WNT3A: variants seen among roughly 807,000 people sequenced by gnomAD.
WNT3A encodes the protein protein Wnt-3a.
In WNT3A, 17 loss-of-function variants were observed where a neutral mutation model predicts 37.0. The observed-to-expected ratio is 0.46, with a 90% CI of 0.31 to 0.69. The LOEUF is 0.69. Ranked by LOEUF, WNT3A falls within the 30% of genes least tolerant of loss-of-function variation. The pLI is 0.05. For missense variants in WNT3A, 411 were observed against 510.2 expected (o/e 0.81, Z 1.87); for synonymous variants, 187 against 211.0 (o/e 0.89, Z 0.99).
intron 1 of WNT3A, among the ~76,000 whole-genome samples, chr1:228,020,490 C>T (rs1427825042): frequency 6.6e-6 from 1 of 152,228 alleles, no homozygotes; most frequent in African/African-American, 2.4e-5. Flanking sequence ...AGTGGCAGTG[C>T]AGACCATACC....
chr1:228,050,659 C>T lies in WNT3A; in HGVS notation c.317C>T (p.Thr106Ile). The T allele has an allele frequency of 6.3e-7, 1 of 1,599,400 alleles. No individual in the cohort carries two copies. ...AIFGPVLDKATRESAFVHAIA... is the reference protein window; with the variant it reads ...AIFGPVLDKAIRESAFVHAIA... Reference sequence around the variant, plus strand: ...TGCATCTCTCCTCTCTCTACAGCTACCAGGGAGTCGGCCTTTGTCCACGCC... The same window carrying T: ...TGCATCTCTCCTCTCTCTACAGCTATCAGGGAGTCGGCCTTTGTCCACGCC... Residue 106 changes from threonine to isoleucine, a missense_variant, in exon 3 of 4, where the codon ACC becomes ATC. By Grantham distance (89) the Thr-to-Ile change is moderately conservative. Coordinates refer to ENST00000284523, the MANE Select transcript of WNT3A (RefSeq NM_033131.4). This position sits in a 1 kb window ranked among gnomAD's most constrained non-coding sequence, Gnocchi z 5.0.
chr1:228,045,304 G>A (rs2031375749), intron 2 of WNT3A, among the ~76,000 whole-genome samples: 10 of 152,194 alleles, frequency 6.6e-5, no homozygotes, highest in Admixed American at 6.5e-4. Context: ...GCCGTGAGGT[G>A]GGAAGGCAGA....
chr1:228,055,153 C>T (rs1296113926), intron 3 of WNT3A, among the ~76,000 whole-genome samples: 3 of 74,132 alleles, frequency 4.0e-5, no homozygotes, highest in Non-Finnish European at 7.0e-5. Context: ...TTGGAAACTC[C>T]GTCCCAAAAA....
chr1:228,059,510 G>T lies in WNT3A; in HGVS notation c.*45G>T. 2.7e-6 allele frequency: 4 copies of T among 1,465,602 alleles called. No individual in the cohort carries two copies. The highest frequency in any genetic ancestry group is 2.7e-6 in the Non-Finnish European group (3 of 1,116,328). 90.8% of individuals were successfully genotyped at this position (1,465,602 alleles called of 1,614,324 possible). A position where few individuals can be genotyped will look rare whatever the true frequency, so the allele number is the denominator to read the frequency against. On this transcript the variant is annotated 3_prime_UTR_variant, in exon 4 of 4. Transcript: ENST00000284523. ...CTGGACGGGGCGGGCCCTGCCTGAG[G>T]GTGGGCTTTTCCCTGGGTGGAGCAG...
Position 228,059,618 on chromosome 1 carries a change from T to C in WNT3A, c.*153T>C. On this transcript the variant is annotated 3_prime_UTR_variant, in exon 4 of 4. Coordinates refer to ENST00000284523, the MANE Select transcript of WNT3A (RefSeq NM_033131.4). ...TGGGGCTCCTACCTGGGGGCAGAACTCCTACCTGAAGGCAGGGCTCCTCCC... is the reference window on the plus strand; with the variant it reads ...TGGGGCTCCTACCTGGGGGCAGAACCCCTACCTGAAGGCAGGGCTCCTCCC... 1 of 1,381,756 alleles carries C rather than the reference T, an allele frequency of 7.2e-7. No individual in the cohort carries two copies. The highest frequency in any genetic ancestry group is 9.3e-7 in the Non-Finnish European group (1 of 1,075,110). 85.6% of individuals were successfully genotyped at this position (1,381,756 alleles called of 1,614,324 possible). A position where few individuals can be genotyped will look rare whatever the true frequency, so the allele number is the denominator to read the frequency against.
In WNT3A at chr1:228,059,845, T is replaced by A; in HGVS notation, c.*380T>A. 1 of 1,061,040 alleles carries A rather than the reference T, an allele frequency of 9.4e-7. No homozygotes were observed. Among genetic ancestry groups the A allele is most frequent in the Non-Finnish European group, 1.1e-6 (1 of 878,332 alleles). 65.7% of individuals were successfully genotyped at this position (1,061,040 alleles called of 1,614,324 possible). On this transcript the variant is annotated 3_prime_UTR_variant, in exon 4 of 4. Transcript: ENST00000284523. ...AGGCCCCTCCCAGTAAGGGCGTGGC[T>A]CTGGGTGGGCGGGGCACTAGGTAGG...
intron 1 of WNT3A, among the ~76,000 whole-genome samples, chr1:228,012,421 C>A (rs779285639): frequency 7.2e-5 from 11 of 152,206 alleles, no homozygotes; most frequent in Non-Finnish European, 1.5e-4. Context: ...GCAACCATTT[C>A]TGTGGATTTT....
intron 1 of WNT3A, among the ~76,000 whole-genome samples, chr1:228,009,123 C>A (rs1186789939): frequency 6.6e-6 from 1 of 152,060 alleles, no homozygotes; most frequent in Non-Finnish European, 1.5e-5. Context: ...TCCCCACCAC[C>A]ACTTTGTTCT....
rs1391921028 is a variant in WNT3A at position 228,037,679 on chromosome 1, G to T, written c.314-12977G>T. ...CGTTTAAGATGCGTTGGGGTGGGGG[G>T]CTCCCCTGGCTCCAGCGGCCTCTCT... On this transcript the variant is annotated intron_variant, in intron 2 of 3. Transcript: ENST00000284523. The surrounding 1 kb of genome is among the most constrained non-coding windows in gnomAD (Gnocchi z 4.1). Among the ~76,000 whole-genome samples, 1 of 152,200 alleles carries T rather than the reference G, an allele frequency of 6.6e-6. No individual in the cohort carries two copies. The highest frequency in any genetic ancestry group is 6.5e-5 in the Admixed American group (1 of 15,290).
intron 1 of WNT3A, among the ~76,000 whole-genome samples, chr1:228,016,966 C>G (rs2030552222): frequency 6.6e-6 from 1 of 152,210 alleles, no homozygotes; most frequent in Admixed American, 6.5e-5. Context: ...TAGGCCCCAC[C>G]TCCAACACTG....
At chr1:228,040,879 C>T in intron 2 of WNT3A, among the ~76,000 whole-genome samples, 1 of 82,472 alleles carries the variant, frequency 1.2e-5, no homozygotes, top group East Asian at 3.2e-4. Flanking sequence ...GAACGAGACT[C>T]TATCTCAAAA....
At position 228,008,368 on chromosome 1, in the gene WNT3A, G is replaced by A. The variant is rs1330524694; in HGVS notation, c.71+1169G>A. Among the ~76,000 whole-genome samples, 1 of 152,180 alleles carries A rather than the reference G, an allele frequency of 6.6e-6. No individual in the cohort carries two copies. The highest frequency in any genetic ancestry group is 2.4e-5 in the African/African-American group (1 of 41,448). ...CAGCGAGCCGAGGTACATCTAATCCGATAATAATTTTTCTCTTCGAGATGG... is the reference window on the plus strand; with the variant it reads ...CAGCGAGCCGAGGTACATCTAATCCAATAATAATTTTTCTCTTCGAGATGG... On this transcript the variant is annotated intron_variant, in intron 1 of 3. Coordinates refer to ENST00000284523, the MANE Select transcript of WNT3A (RefSeq NM_033131.4). The surrounding 1 kb of genome is among the most constrained non-coding windows in gnomAD (Gnocchi z 4.9).
At chr1:228,032,774 T>A (rs1322502099) in intron 2 of WNT3A, among the ~76,000 whole-genome samples, 1 of 152,172 alleles carries the variant, frequency 6.6e-6, no homozygotes, top group African/African-American at 2.4e-5. Flanking sequence ...TCTGCACCAT[T>A]TTACATTCCC....
chr1:228,046,688 T>G (rs1168206106), intron 2 of WNT3A, among the ~76,000 whole-genome samples: 1 of 150,920 alleles, frequency 6.6e-6, no homozygotes, highest in Non-Finnish European at 1.5e-5. Context: ...TGTGAGTGCA[T>G]GTGTATGCTG....
At chr1:228,029,954 A>G (rs2030958720) in intron 2 of WNT3A, among the ~76,000 whole-genome samples, 1 of 152,090 alleles carries the variant, frequency 6.6e-6, no homozygotes, top group African/African-American at 2.4e-5. Flanking sequence ...AAGTTAACAT[A>G]TATTAGCCAA....
At position 228,050,819 on chromosome 1, in the gene WNT3A, C is replaced by T. The variant is rs747469469; in HGVS notation, c.477C>T (p.Ile159=). The part of the protein sequence containing the change: ...GWKWGGCSED[I]EFGGMVSREF... The stretch of plus-strand genomic sequence containing the variant: ...AGTGGGGTGGCTGTAGCGAGGACAT[C>T]GAGTTTGGTGGGATGGTGTCTCGGG... Residue 159 remains isoleucine, a synonymous_variant, in exon 3 of 4, where the codon ATC becomes ATT. Coordinates refer to ENST00000284523, the MANE Select transcript of WNT3A (RefSeq NM_033131.4). The surrounding 1 kb of genome is among the most constrained non-coding windows in gnomAD (Gnocchi z 5.0). 15 of 1,612,692 alleles carry T rather than the reference C, an allele frequency of 9.3e-6. No homozygotes were observed. Among genetic ancestry groups the T allele is most frequent in the Non-Finnish European group, 1.1e-5 (13 of 1,179,332 alleles).
Position 228,059,708 on chromosome 1 carries a change from G to C in WNT3A, c.*243G>C. 7.5e-7 allele frequency: 1 copy of C among 1,333,714 alleles called. No individual in the cohort carries two copies. Among genetic ancestry groups the C allele is most frequent in the Non-Finnish European group, 9.5e-7 (1 of 1,048,734 alleles). The allele number at this position is 1,333,714 out of a possible 1,614,324, so 82.6% of individuals were successfully genotyped here. ...GAATGAGGCGGAGCTCCAGGATGGG[G>C]AGGGGCTCTGCGTTGGCTTCTCCCT... On this transcript the variant is annotated 3_prime_UTR_variant, in exon 4 of 4. Transcript: ENST00000284523.
chr1:228,056,692 G>A (rs576902410), intron 3 of WNT3A, among the ~76,000 whole-genome samples: 16 of 152,262 alleles, frequency 1.1e-4, no homozygotes, highest in South Asian at 1.0e-3. Context: ...ACTAAGTGAC[G>A]AGAACAACAG....
At position 228,050,962 on chromosome 1, in the gene WNT3A, C is replaced by G; in HGVS notation, c.579+41C>G. 1 of 1,496,862 alleles carries G rather than the reference C, an allele frequency of 6.7e-7. No homozygotes were observed. The highest frequency in any genetic ancestry group is 8.9e-7 in the Non-Finnish European group (1 of 1,126,788). 92.7% of individuals were successfully genotyped at this position (1,496,862 alleles called of 1,614,324 possible). A position where few individuals can be genotyped will look rare whatever the true frequency, so the allele number is the denominator to read the frequency against. On this transcript the variant is annotated intron_variant, in intron 3 of 3. Coordinates refer to ENST00000284523, the MANE Select transcript of WNT3A (RefSeq NM_033131.4). This position sits in a 1 kb window ranked among gnomAD's most constrained non-coding sequence, Gnocchi z 5.0. ...GCAAGGGTGCTTGGGAAAAAGGAGC[C>G]TCCTCAGCAGGGTGTGTGCCCTGGT...
Sources: allele counts gnomAD v4.1 joint callset (sites outside exome capture counted in the v4.1 genomes callset), GRCh38; gene constraint gnomAD v4.1.1; non-coding constraint Gnocchi (gnomAD v3.1); transcripts MANE v1.5; gene names NCBI Gene and HGNC (gene_info 2026-07-23, HGNC 2026-07-21).